JPT1: variants seen among roughly 807,000 people sequenced by gnomAD.
JPT1 encodes the protein Jupiter microtubule associated homolog 1, also known as androgen-regulated protein 2.
JPT1 carries 5 observed loss-of-function variants against 17.0 expected under a neutral mutation model. The ratio of observed to expected loss-of-function variants is 0.29; its 90% CI spans 0.15 to 0.62. The LOEUF (loss-of-function observed/expected upper bound fraction) is 0.62. JPT1 is among the 20% of genes least tolerant of loss of function. JPT1 has a pLI of 0.85. For missense variants in JPT1, 158 were observed against 188.1 expected, an observed-to-expected ratio of 0.84 and a Z score of 0.94; for synonymous variants, 71 against 73.6, an observed-to-expected ratio of 0.96 and a Z score of 0.18.
chr17:75,149,698 TC>T (rs1172475431), intron 1 of JPT1, among the ~76,000 whole-genome samples: 2 of 152,054 alleles, frequency 1.3e-5, no homozygotes, highest in African/African-American at 4.8e-5. Context: ...AAAAATCACT[TC>T]CTTCTTATTT....
At chr17:75,146,470 A>C (rs1034157363) in intron 4 of JPT1, 196 bp downstream of exon 4, 1 of 509,304 alleles carries the variant, frequency 2.0e-6, no homozygotes, top group African/African-American at 2.0e-5. Flanking sequence ...GTAATTTTAA[A>C]GGATTCTCTG....
At chr17:75,146,737 G>T in intron 3 of JPT1, 53 bp from the exon 4 acceptor site, 1 of 1,109,140 alleles carries the variant, frequency 9.0e-7, no homozygotes, top group Non-Finnish European at 1.3e-6. Context: ...TTTGGAACAC[G>T]CAAAACAGTC....
chr17:75,143,071 CAA>C (rs1350020409), intron 4 of JPT1, among the ~76,000 whole-genome samples: 10 of 152,110 alleles, frequency 6.6e-5, no homozygotes, highest in Non-Finnish European at 2.9e-5. Flanking sequence ...GATGGCAGGT[CAA>C]AAGACCCTTA....
In JPT1 at chr17:75,138,242, C is replaced by A. The variant is rs2074245329; in HGVS notation, c.317-1992G>T. ...CCTCCCAAGGTGCTGGGATTACAGG[C>A]GTGAGCCTCCATACTGGGCCTTAGT... On this transcript the variant is annotated intron_variant, in intron 4 of 4. Coordinates refer to ENST00000409753, the MANE Select transcript of JPT1 (RefSeq NM_016185.4). Among the ~76,000 whole-genome samples the A allele has an allele frequency of 2.0e-5, 3 of 152,140 alleles. No individual in the cohort carries two copies. In the South Asian group the frequency reaches 6.2e-4, roughly 31 times the overall value.
chr17:75,140,349 C>T (rs1263176736), intron 4 of JPT1, among the ~76,000 whole-genome samples: 1 of 151,928 alleles, frequency 6.6e-6, no homozygotes, highest in Non-Finnish European at 1.5e-5. Flanking sequence ...GGTCTCTTTT[C>T]TTTGGCACAT....
chr17:75,151,247 C>T (rs2074547182), intron 1 of JPT1, among the ~76,000 whole-genome samples: 1 of 152,036 alleles, frequency 6.6e-6, no homozygotes, highest in African/African-American at 2.4e-5. Context: ...GTAGGAGAAT[C>T]GCTTGAACCC....
intron 4 of JPT1, among the ~76,000 whole-genome samples, chr17:75,137,536 T>A (rs935139128): frequency 4.0e-5 from 6 of 151,494 alleles, no homozygotes; most frequent in East Asian, 1.9e-4. Context: ...TTGTTTTTTT[T>A]TTTTTTTTAT....
Position 75,148,520 on chromosome 17 carries a change from C to CA in JPT1, c.199+8dup, listed in dbSNP as rs1568035594. 1 of 1,614,026 alleles carries CA rather than the reference C, an allele frequency of 6.2e-7. No homozygotes were observed. On this transcript the variant is annotated intron_variant, in intron 2 of 4. Transcript: ENST00000409753. ...CCCTTTGAACAGTGAGCACAGATAA[C>CA]AAGAGTACCTGCTGACTTGGCCCAA...
chr17:75,150,340 G>GC (rs1373228005), intron 1 of JPT1, among the ~76,000 whole-genome samples: 1 of 151,272 alleles, frequency 6.6e-6, no homozygotes, highest in East Asian at 1.9e-4. Context: ...TGCAACCTCC[G>GC]CCTCCCGGGT....
intron 1 of JPT1, chr17:75,149,076 C>G (rs750679232): frequency 1.0e-5 from 13 of 1,269,610 alleles, no homozygotes; most frequent in Non-Finnish European, 1.3e-5. Context: ...CATTTCCAGG[C>G]ACAGTGGCAC....
In JPT1 at chr17:75,135,997, T is replaced by G. The variant is rs1156493641; in HGVS notation, c.*105A>C. 1.9e-6 allele frequency: 3 copies of G among 1,604,500 alleles called. No homozygotes were observed. The highest frequency in any genetic ancestry group is 1.3e-5 in the African/African-American group (1 of 74,190). Reference sequence around the variant, plus strand: ...AAAAGACAGCAGTACATAAAGTGCTTCTTTTTAATGAAACAAATCCAAGAG... The same window carrying G: ...AAAAGACAGCAGTACATAAAGTGCTGCTTTTTAATGAAACAAATCCAAGAG... On this transcript the variant is annotated 3_prime_UTR_variant, in exon 5 of 5. Transcript: ENST00000409753.
intron 4 of JPT1, among the ~76,000 whole-genome samples, chr17:75,140,774 T>C (rs575554601): frequency 3.3e-5 from 5 of 151,864 alleles, no homozygotes; most frequent in African/African-American, 1.2e-4. Flanking sequence ...GGGGGAAACA[T>C]AGCAAAACCC....
intron 1 of JPT1, chr17:75,153,791 G>C (rs1399653337): frequency 6.6e-6 from 1 of 152,106 alleles, no homozygotes; most frequent in Non-Finnish European, 1.5e-5. Flanking sequence ...GTCCGAATAA[G>C]GAGTGGGGGC....
chr17:75,153,172 C>A (rs956301412), intron 1 of JPT1: 2 of 152,166 alleles, frequency 1.3e-5, no homozygotes, highest in African/African-American at 4.8e-5. Context: ...GTGATTTAAG[C>A]TTCTTCCAAG....
chr17:75,150,534 G>A (rs2074528514), intron 1 of JPT1, among the ~76,000 whole-genome samples: 3 of 152,076 alleles, frequency 2.0e-5, no homozygotes, highest in Admixed American at 2.0e-4. Context: ...TTACAGGCGT[G>A]AGCCACTGCA....
intron 4 of JPT1, among the ~76,000 whole-genome samples, chr17:75,140,443 T>C (rs1202413699): frequency 6.6e-6 from 1 of 152,100 alleles, no homozygotes; most frequent in African/African-American, 2.4e-5. Context: ...CTGGAAGAAA[T>C]GTAGCCGACC....
intron 4 of JPT1, among the ~76,000 whole-genome samples, chr17:75,145,099 G>A (rs918545435): frequency 6.7e-6 from 1 of 148,764 alleles, no homozygotes; most frequent in Non-Finnish European, 1.5e-5. Context: ...GGGAGGCAGA[G>A]GTTGAAGTGA....
intron 4 of JPT1, among the ~76,000 whole-genome samples, chr17:75,139,071 G>A (rs2074261522): frequency 6.6e-6 from 1 of 152,094 alleles, no homozygotes; most frequent in Admixed American, 6.6e-5. Context: ...AAATGCACTG[G>A]ATCAGACACA....
intron 4 of JPT1, chr17:75,145,914 AAAAAT>A (rs1306707181): frequency 8.5e-5 from 13 of 152,068 alleles, no homozygotes; most frequent in Non-Finnish European, 1.8e-4. Flanking sequence ...CATCTCTACT[AAAAAT>A]AAAAACAAAT....
Sources: gnomAD v4.1 joint callset for allele counts (sites outside exome capture counted in the v4.1 genomes callset) on GRCh38, gnomAD v4.1.1 for gene constraint, MANE v1.5 for transcripts, NCBI Gene and HGNC (gene_info 2026-07-23, HGNC 2026-07-21) for gene names.